The following SLC25A48 variants were observed in gnomAD, a reference collection of about 807,000 sequenced individuals.
SLC25A48 encodes the protein CTC-321K16.1.
SLC25A48 carries 29 observed loss-of-function variants against 32.2 expected under a neutral mutation model. The ratio of observed to expected loss-of-function variants is 0.90; its 90% CI spans 0.67 to 1.23. SLC25A48 has a LOEUF of 1.23. Ranked by LOEUF, SLC25A48 falls within the 50% of genes most tolerant of loss-of-function variation. SLC25A48 has a pLI of 0.00. For missense variants in SLC25A48, 399 were observed against 422.7 expected (o/e 0.94, Z 0.49); for synonymous variants, 164 against 172.3 (o/e 0.95, Z 0.38).
intron 4 of SLC25A48, among the ~76,000 whole-genome samples, chr5:135,819,053 G>A (rs1463975396): frequency 1.3e-5 from 2 of 149,970 alleles, no homozygotes; most frequent in Non-Finnish European, 3.0e-5. Context: ...AAAAGGTTAA[G>A]AAACAAATGA....
At chr5:135,873,959 G>A in intron 5 of SLC25A48, 62 bp from the exon 6 acceptor site, 2 of 1,465,954 alleles carry the variant, frequency 1.4e-6, no homozygotes, top group South Asian at 2.8e-5. Flanking sequence ...AATCTGCAAG[G>A]AACCAGGCCC....
chr5:135,627,111 G>T (rs894534303), intron 1 of SLC25A48, among the ~76,000 whole-genome samples: 2 of 152,134 alleles, frequency 1.3e-5, no homozygotes, highest in African/African-American at 4.8e-5. Context: ...GAAGAGTATT[G>T]GTCCTTGGAC....
intron 3 of SLC25A48, among the ~76,000 whole-genome samples, chr5:135,775,704 T>G (rs1756538762): frequency 6.6e-6 from 1 of 151,686 alleles, no homozygotes; most frequent in Non-Finnish European, 1.5e-5. Flanking sequence ...CAACCCTTTG[T>G]GATATTGTTC....
chr5:135,688,638 G>A lies in SLC25A48; in HGVS notation c.-521+53682G>A, dbSNP rs147127934. ...ATGCTGAAAAAACAAAGGCTAAAACGCCAACACTCTGTGAAAAGCCAACAT... is the reference window on the plus strand; with the variant it reads ...ATGCTGAAAAAACAAAGGCTAAAACACCAACACTCTGTGAAAAGCCAACAT... On this transcript the variant is annotated intron_variant, in intron 3 of 10. Coordinates refer to the SLC25A48 transcript ENST00000646290. Among the ~76,000 whole-genome samples the A allele has an allele frequency of 9.0e-3, 1,366 of 152,278 alleles. 8 individuals carry two copies. Among genetic ancestry groups the A allele is most frequent in the South Asian group, 0.017 (84 of 4,820 alleles).
At chr5:135,783,220 A>G (rs75378708) in intron 3 of SLC25A48, among the ~76,000 whole-genome samples, 4,798 of 92,056 alleles carry the variant, frequency 0.052, 121 homozygotes, top group African/African-American at 0.061. Flanking sequence ...GGAAAGGATG[A>G]TATTACTCTC....
intron 3 of SLC25A48, among the ~76,000 whole-genome samples, chr5:135,695,599 G>A (rs1754246945): frequency 6.6e-6 from 1 of 152,034 alleles, no homozygotes; most frequent in Non-Finnish European, 1.5e-5. Flanking sequence ...CACTGAGAAT[G>A]CACTGCCTCC....
At chr5:135,871,356 A>T in intron 4 of SLC25A48, 105 bp from the exon 5 acceptor site, 1 of 1,355,266 alleles carries the variant, frequency 7.4e-7, no homozygotes, top group Non-Finnish European at 1.0e-6. Context: ...CTGATGGGCT[A>T]CATGAGAGGG....
At position 135,693,066 on chromosome 5, in the gene SLC25A48, T is replaced by C. The variant is rs150549127; in HGVS notation, c.-521+58110T>C. Among the ~76,000 whole-genome samples the C allele has an allele frequency of 6.0e-3, 907 of 152,366 alleles. 11 individuals carry two copies. Among genetic ancestry groups the C allele is most frequent in the African/African-American group, 0.02 (826 of 41,586 alleles). ...GTGTTTGGGATGCATTTTCATTGGT[T>C]CCATCATTCAGTGTACTTTTTCCTT... On this transcript the variant is annotated intron_variant, in intron 3 of 10. Transcript: ENST00000646290.
At chr5:135,700,053 A>G (rs1310494317) in intron 3 of SLC25A48, among the ~76,000 whole-genome samples, 5 of 152,160 alleles carry the variant, frequency 3.3e-5, no homozygotes, top group Non-Finnish European at 5.9e-5. Flanking sequence ...AGTCCCCACC[A>G]GCATTTGACA....
At chr5:135,622,031 A>G (rs1210745069) in intron 1 of SLC25A48, among the ~76,000 whole-genome samples, 1 of 152,238 alleles carries the variant, frequency 6.6e-6, no homozygotes, top group African/African-American at 2.4e-5. Flanking sequence ...CAAAGGACAT[A>G]AATAACCAAA....
intron 1 of SLC25A48, 94 bp downstream of exon 1, chr5:135,834,987 C>T: frequency 7.1e-7 from 1 of 1,413,270 alleles, no homozygotes. Flanking sequence ...TGTGCGCTGC[C>T]ATCCCGCTCC....
At chr5:135,764,385 C>A (rs1756147728) in intron 3 of SLC25A48, among the ~76,000 whole-genome samples, 1 of 151,674 alleles carries the variant, frequency 6.6e-6, no homozygotes, top group South Asian at 2.1e-4. Flanking sequence ...CCCCATATTG[C>A]AAAGGGTGTA....
At chr5:135,647,792 C>T (rs530047435) in intron 3 of SLC25A48, among the ~76,000 whole-genome samples, 8 of 152,324 alleles carry the variant, frequency 5.3e-5, no homozygotes, top group South Asian at 4.1e-4. Flanking sequence ...CAGAACAGGA[C>T]CTGTGGCGGG....
chr5:135,880,266 A>T, intron 7 of SLC25A48, 169 bp downstream of exon 7: 2 of 993,766 alleles, frequency 2.0e-6, no homozygotes, highest in South Asian at 3.6e-5. Context: ...AGCAGTTCAG[A>T]AATGCCCACC....
At chr5:135,655,990 C>T (rs1753237839) in intron 3 of SLC25A48, among the ~76,000 whole-genome samples, 1 of 152,200 alleles carries the variant, frequency 6.6e-6, no homozygotes, top group Admixed American at 6.5e-5. Context: ...TCAATTTTGA[C>T]CCCGTTTGCC....
At chr5:135,590,901 G>A (rs1751509637) in intron 1 of SLC25A48, among the ~76,000 whole-genome samples, 1 of 152,270 alleles carries the variant, frequency 6.6e-6, no homozygotes, top group African/African-American at 2.4e-5. Context: ...TTCGGCACAT[G>A]CCCATTGGCG....
intron 1 of SLC25A48, among the ~76,000 whole-genome samples, chr5:135,604,118 T>C (rs1223535481): frequency 6.6e-6 from 1 of 152,202 alleles, no homozygotes; most frequent in African/African-American, 2.4e-5. Flanking sequence ...ATGCCCTCTG[T>C]GCAGGTGAGA....
intron 4 of SLC25A48, chr5:135,826,301 C>T (rs1168238714): frequency 1.3e-5 from 2 of 152,488 alleles, no homozygotes; most frequent in African/African-American, 4.8e-5. Context: ...CATGTTCAGC[C>T]ACTCCACCCC....
At chr5:135,712,010 G>A (rs752184735) in intron 3 of SLC25A48, among the ~76,000 whole-genome samples, 87 of 151,842 alleles carry the variant, frequency 5.7e-4, no homozygotes, top group Non-Finnish European at 1.0e-3. Context: ...CTTCTCGCAA[G>A]TCTGCTTGAA....
Sources: gnomAD v4.1 joint callset for allele counts (sites outside exome capture counted in the v4.1 genomes callset) on GRCh38, gnomAD v4.1.1 for gene constraint, MANE v1.5 for transcripts, NCBI Gene and HGNC (gene_info 2026-07-23, HGNC 2026-07-21) for gene names.